The following RBPJ variants were observed in gnomAD, a reference collection of about 807,000 sequenced individuals.
RBPJ encodes the protein recombination signal binding protein for immunoglobulin kappa J region, also known as recombining binding protein suppressor of hairless.
In RBPJ, 9 loss-of-function variants were observed where a neutral mutation model predicts 67.8. The ratio of observed to expected loss-of-function variants is 0.13; its 90% CI spans 0.08 to 0.23. RBPJ has a LOEUF of 0.23. RBPJ is among the 10% of genes least tolerant of loss of function. The pLI is 1.00. For synonymous variants in RBPJ, 198 were observed against 203.3 expected (o/e 0.97, Z 0.22); for missense variants, 305 against 595.6 (o/e 0.51, Z 5.08).
chr4:26,232,556 C>A (rs1236065757), intron 1 of RBPJ, among the ~76,000 whole-genome samples: 1 of 152,208 alleles, frequency 6.6e-6, no homozygotes, highest in East Asian at 1.9e-4. Context: ...GTTCCAATTT[C>A]TCTCCCATCT....
At chr4:26,213,177 G>A (rs928735368) in intron 1 of RBPJ, among the ~76,000 whole-genome samples, 11 of 152,160 alleles carry the variant, frequency 7.2e-5, no homozygotes, top group Non-Finnish European at 1.3e-4. Context: ...AAGTCAGTAG[G>A]TCAGAAGTTC....
At chr4:26,172,634 C>G (rs1716637247) in intron 1 of RBPJ, among the ~76,000 whole-genome samples, 1 of 152,138 alleles carries the variant, frequency 6.6e-6, no homozygotes, top group Admixed American at 6.5e-5. Flanking sequence ...ATGTCACTCT[C>G]CTTTATAATA....
intron 1 of RBPJ, among the ~76,000 whole-genome samples, chr4:26,270,381 G>GAA (rs1466441305): frequency 0.013 from 642 of 49,464 alleles, 58 homozygotes; most frequent in African/African-American, 0.042. Flanking sequence ...AAGAAAGAAA[G>GAA]AAAGAAAGAA....
intron 1 of RBPJ, among the ~76,000 whole-genome samples, chr4:26,273,423 C>T (rs1213165080): frequency 6.6e-6 from 1 of 152,252 alleles, no homozygotes; most frequent in Non-Finnish European, 1.5e-5. Context: ...CTGGCGACCT[C>T]CCAGAGGGCG....
chr4:26,370,311 A>G (rs1729028429), intron 1 of RBPJ, among the ~76,000 whole-genome samples: 2 of 152,198 alleles, frequency 1.3e-5, no homozygotes. Flanking sequence ...TCAATCTGAA[A>G]TTCTTCTTTA....
chr4:26,247,854 G>A (rs916425673), intron 1 of RBPJ, among the ~76,000 whole-genome samples: 2 of 152,178 alleles, frequency 1.3e-5, no homozygotes, highest in African/African-American at 4.8e-5. Context: ...TAGAGAGGAA[G>A]GAGTGCAATA....
the RBPJ span, among the ~76,000 whole-genome samples, chr4:26,125,773 T>C: frequency 1.3e-5 from 2 of 150,266 alleles, no homozygotes; most frequent in East Asian, 3.9e-4. Context: ...CACTCCAGCC[T>C]GGGCAATAGA....
At chr4:26,328,746 A>C (rs573583374) in intron 1 of RBPJ, among the ~76,000 whole-genome samples, 8 of 151,722 alleles carry the variant, frequency 5.3e-5, no homozygotes, top group African/African-American at 1.9e-4. Flanking sequence ...CTCCTGCCTC[A>C]CCCTCCCCAG....
intron 1 of RBPJ, among the ~76,000 whole-genome samples, chr4:26,383,466 T>G (rs1471733565): frequency 6.6e-6 from 1 of 152,180 alleles, no homozygotes; most frequent in Non-Finnish European, 1.5e-5. Context: ...TTAAAATGCT[T>G]TATCTCATTT....
intron 1 of RBPJ, among the ~76,000 whole-genome samples, chr4:26,209,098 A>AAAAT (rs1553848907): frequency 0.015 from 2,179 of 146,964 alleles, 26 homozygotes; most frequent in Non-Finnish European, 0.024. Flanking sequence ...GAAGAAAAAA[A>AAAAT]ATATATATAT....
chr4:26,219,921 A>T (rs1470962465), intron 1 of RBPJ, among the ~76,000 whole-genome samples: 1 of 147,566 alleles, frequency 6.8e-6, no homozygotes, highest in Non-Finnish European at 1.5e-5. Context: ...GACCACAGGC[A>T]CCCACCACCA....
At chr4:26,298,432 TAATC>T (rs1196872822) in intron 1 of RBPJ, among the ~76,000 whole-genome samples, 2 of 152,152 alleles carry the variant, frequency 1.3e-5, no homozygotes, top group Admixed American at 1.3e-4. Flanking sequence ...ATAGCACAAA[TAATC>T]AGTGTGTTTT....
At chr4:26,370,779 G>A (rs1729076252) in intron 1 of RBPJ, among the ~76,000 whole-genome samples, 1 of 152,006 alleles carries the variant, frequency 6.6e-6, no homozygotes, top group South Asian at 2.1e-4. Flanking sequence ...TCTCTCCATT[G>A]TAAAATTTGA....
At chr4:26,246,973 CTTTTT>C (rs56160527) in intron 1 of RBPJ, among the ~76,000 whole-genome samples, 1 of 121,960 alleles carries the variant, frequency 8.2e-6, no homozygotes. Context: ...ACATAATACG[CTTTTT>C]TTTTTTTTTT....
intron 1 of RBPJ, among the ~76,000 whole-genome samples, chr4:26,379,146 T>C (rs1399194925): frequency 6.6e-6 from 1 of 152,162 alleles, no homozygotes; most frequent in Non-Finnish European, 1.5e-5. Flanking sequence ...GCATGGCATG[T>C]CTTTGAAATC....
chr4:26,362,298 C>T (rs1363240080), intron 1 of RBPJ: 1 of 327,138 alleles, frequency 3.1e-6, no homozygotes, highest in African/African-American at 2.1e-5. Context: ...ATTCCTCATT[C>T]ATATGAGGGT....
At chr4:26,409,930 T>TA (rs1733853777) in intron 3 of RBPJ, 1 of 371,768 alleles carries the variant, frequency 2.7e-6, no homozygotes, top group Admixed American at 3.6e-5. Flanking sequence ...CCAGAGTAAC[T>TA]ACTTTCCTAT....
At chr4:26,377,079 G>C (rs1194122739) in intron 1 of RBPJ, among the ~76,000 whole-genome samples, 1 of 152,092 alleles carries the variant, frequency 6.6e-6, no homozygotes, top group African/African-American at 2.4e-5. Context: ...GTTTTGAAGG[G>C]ACCATTTCGG....
chr4:26,311,549 A>T (rs1389266546), intron 1 of RBPJ, among the ~76,000 whole-genome samples: 1 of 152,082 alleles, frequency 6.6e-6, no homozygotes, highest in South Asian at 2.1e-4. Flanking sequence ...AAAAAAAAAA[A>T]AAAGTGTCAC....
Sources: allele counts gnomAD v4.1 joint callset (sites outside exome capture counted in the v4.1 genomes callset), GRCh38; gene constraint gnomAD v4.1.1; transcripts MANE v1.5; gene names NCBI Gene and HGNC (gene_info 2026-07-23, HGNC 2026-07-21).